Variants in METTL2A observed in about 807,000 individuals in gnomAD.
METTL2A encodes tRNA N(3)-cytidine methyltransferase METTL2A.
In METTL2A, 45 loss-of-function variants were observed where a neutral mutation model predicts 49.4. The ratio of observed to expected loss-of-function variants is 0.91; its 90% CI spans 0.72 to 1.17. The LOEUF (loss-of-function observed/expected upper bound fraction) is 1.17, where lower values mean the gene tolerates loss of function less well. Ranked by LOEUF, METTL2A falls within the 50% of genes most tolerant of loss-of-function variation. The probability of loss-of-function intolerance (pLI) is 0.00; values close to 1 mark genes in which losing one functional copy is unlikely to be tolerated. For missense variants in METTL2A, 361 were observed against 462.2 expected (o/e 0.78, Z 2.01); for synonymous variants, 118 against 167.5 (o/e 0.70, Z 2.28).
At chr17:62,432,702 T>C (rs1329192691) in intron 4 of METTL2A, among the ~76,000 whole-genome samples, 1 of 152,020 alleles carries the variant, frequency 6.6e-6, no homozygotes, top group Non-Finnish European at 1.5e-5. Flanking sequence ...CTTGGGAGGC[T>C]GAGGCAGGAG....
chr17:62,424,331 A>G (rs755989343), intron 2 of METTL2A, 21 bp downstream of exon 2: 101 of 1,613,696 alleles, frequency 6.3e-5, no homozygotes, highest in Middle Eastern at 3.3e-4. Context: ...ATGGGCTCTC[A>G]TTGGTATCAA....
In METTL2A at chr17:62,448,897, G is replaced by A. The variant is rs2070787169; in HGVS notation, c.*168G>A. On this transcript the variant is annotated 3_prime_UTR_variant, in exon 9 of 9. Coordinates refer to ENST00000311506, the MANE Select transcript of METTL2A (RefSeq NM_181725.4). Reference sequence around the variant, plus strand: ...GTCCAACCTGGGCAAAATAGTGAGAGACCCTGTATCTGAAAGTAATAATAA... The same window carrying A: ...GTCCAACCTGGGCAAAATAGTGAGAAACCCTGTATCTGAAAGTAATAATAA... The A allele has an allele frequency of 9.0e-6, 8 of 892,306 alleles. No individual in the cohort carries two copies. Among genetic ancestry groups the A allele is most frequent in the Admixed American group, 6.0e-5 (2 of 33,252 alleles). The allele number at this position is 892,306 out of a possible 1,614,324, so 55.3% of individuals were successfully genotyped here.
At chr17:62,435,947 C>T (rs2070696946) in intron 5 of METTL2A, among the ~76,000 whole-genome samples, 1 of 152,034 alleles carries the variant, frequency 6.6e-6, no homozygotes, top group Non-Finnish European at 1.5e-5. Context: ...TAATGAAATA[C>T]GATTGCATGC....
At chr17:62,440,481 A>C in intron 5 of METTL2A, 136 bp from the exon 6 acceptor site, 1 of 1,303,884 alleles carries the variant, frequency 7.7e-7, no homozygotes, top group Non-Finnish European at 1.0e-6. Flanking sequence ...TTTTGCCTCA[A>C]GAAAAAAAAG....
intron 5 of METTL2A, among the ~76,000 whole-genome samples, chr17:62,436,611 A>G (rs1190302513): frequency 6.6e-6 from 1 of 152,214 alleles, no homozygotes; most frequent in Non-Finnish European, 1.5e-5. Flanking sequence ...ATAATCATCT[A>G]AACCTTCAGC....
intron 8 of METTL2A, among the ~76,000 whole-genome samples, 187 bp from the exon 9 acceptor site, chr17:62,448,388 A>T (rs1175319873): frequency 6.6e-6 from 1 of 152,138 alleles, no homozygotes; most frequent in Non-Finnish European, 1.5e-5. Flanking sequence ...CGCGGCCCAT[A>T]CGCAGTGGCT....
chr17:62,447,910 T>G, intron 8 of METTL2A, 144 bp downstream of exon 8: 1 of 1,528,980 alleles, frequency 6.5e-7, no homozygotes, highest in African/African-American at 1.4e-5. Context: ...TCACACCCTC[T>G]TCCACCCTGG....
Position 62,440,680 on chromosome 17 carries a change from A to G in METTL2A, c.733A>G (p.Lys245Glu), listed in dbSNP as rs370342660. Residue 245 changes from lysine (K) to glutamate (E), a missense_variant, in exon 6 of 9, where the codon AAG becomes GAG. Coordinates refer to ENST00000311506, the MANE Select transcript of METTL2A (RefSeq NM_181725.4). ...TGTTCACGACCTGTGTGATGAAGAG[A>G]AGAGTTACCCAGTGCCCAAGGGCAG... ...AFVHDLCDEE[K>E]SYPVPKGSLD... 1.9e-6 allele frequency: 3 copies of G among 1,614,090 alleles called. No individual in the cohort carries two copies. The highest frequency in any genetic ancestry group is 2.5e-6 in the Non-Finnish European group (3 of 1,180,006).
chr17:62,429,038 G>A (rs9906419), intron 4 of METTL2A, among the ~76,000 whole-genome samples: 2,132 of 152,078 alleles, frequency 0.014, 38 homozygotes, highest in African/African-American at 0.047. Context: ...CTCTTGCCTC[G>A]GCCTCCCAAA....
intron 7 of METTL2A, among the ~76,000 whole-genome samples, chr17:62,447,384 C>T (rs1331145985): frequency 6.6e-6 from 1 of 152,178 alleles, no homozygotes; most frequent in Non-Finnish European, 1.5e-5. Context: ...CACGCCATTG[C>T]ACCCAGCCTA....
chr17:62,449,492 G>A lies in METTL2A; in HGVS notation c.*763G>A. 1 of 421,432 alleles carries A rather than the reference G, an allele frequency of 2.4e-6. No homozygotes were observed. Among genetic ancestry groups the A allele is most frequent in the South Asian group, 1.7e-5 (1 of 58,824 alleles). 26.1% of individuals were successfully genotyped at this position (421,432 alleles called of 1,614,324 possible). A position where few individuals can be genotyped will look rare whatever the true frequency, so the allele number is the denominator to read the frequency against. ...TTGGGAGGCCAAGGCGGGCGGATCA[G>A]CTGAGGTCAGGAGTTGGAGACCAGC... On this transcript the variant is annotated 3_prime_UTR_variant, in exon 9 of 9. Transcript: ENST00000311506.
rs1304061502 is a variant in METTL2A at position 62,450,974 on chromosome 17, A to G, written c.*2245A>G. On this transcript the variant is annotated 3_prime_UTR_variant, in exon 9 of 9. Transcript: ENST00000311506. ...ATCACAAGTAGGAATACATGGAAAC[A>G]TTAATGCCAGCCACTAACCATTCAT... Among the ~76,000 whole-genome samples the G allele has an allele frequency of 6.6e-6, 1 of 152,162 alleles. No homozygotes were observed. Among genetic ancestry groups the G allele is most frequent in the African/African-American group, 2.4e-5 (1 of 41,444 alleles).
At position 62,427,637 on chromosome 17, in the gene METTL2A, A is replaced by T. The variant is rs1003832281; in HGVS notation, c.559-151A>T. Reference sequence around the variant, plus strand: ...TCCTGAAGTCAACATCAAAATCAACAAATGTCATGAGTACTGTTTAGCTCT... The same window carrying T: ...TCCTGAAGTCAACATCAAAATCAACTAATGTCATGAGTACTGTTTAGCTCT... On this transcript the variant is annotated intron_variant, in intron 3 of 8. Transcript: ENST00000311506. The T allele has an allele frequency of 9.9e-6, 13 of 1,314,482 alleles. No homozygotes were observed. In the African/African-American group the frequency reaches 1.8e-4, roughly 18 times the overall value. The allele number at this position is 1,314,482 out of a possible 1,614,324, so 81.4% of individuals were successfully genotyped here.
intron 2 of METTL2A, among the ~76,000 whole-genome samples, chr17:62,425,357 C>G (rs1357252787): frequency 2.8e-5 from 4 of 142,630 alleles, no homozygotes; most frequent in Admixed American, 1.5e-4. Context: ...TCATGATCAC[C>G]TTAAAAACAG....
At chr17:62,441,804 GAT>G in intron 6 of METTL2A, among the ~76,000 whole-genome samples, 1 of 150,454 alleles carries the variant, frequency 6.6e-6, no homozygotes, top group African/African-American at 2.5e-5. Flanking sequence ...GCAGTGATGA[GAT>G]CTTGGCTCAC....
chr17:62,431,332 T>G (rs1357744131), intron 4 of METTL2A, among the ~76,000 whole-genome samples: 1 of 151,846 alleles, frequency 6.6e-6, no homozygotes, highest in African/African-American at 2.4e-5. Flanking sequence ...TTTTTATGTT[T>G]CTTGAGTTAC....
intron 7 of METTL2A, among the ~76,000 whole-genome samples, chr17:62,447,387 C>A (rs970259724): frequency 4.6e-5 from 7 of 151,910 alleles, no homozygotes; most frequent in Admixed American, 4.6e-4. Flanking sequence ...GCCATTGCAC[C>A]CAGCCTAGGC....
intron 4 of METTL2A, 60 bp downstream of exon 4, chr17:62,427,897 G>A (rs1003860456): frequency 1.9e-5 from 29 of 1,500,508 alleles, no homozygotes; most frequent in African/African-American, 9.7e-5. Context: ...TTGGCTGGGC[G>A]CATTGCTTCA....
intron 5 of METTL2A, among the ~76,000 whole-genome samples, chr17:62,437,417 A>G (rs1249755850): frequency 1.3e-5 from 2 of 152,004 alleles, no homozygotes; most frequent in African/African-American, 4.8e-5. Context: ...CTCTTTGCAT[A>G]CCAGTTTTCT....
Sources: allele counts gnomAD v4.1 joint callset (sites outside exome capture counted in the v4.1 genomes callset), GRCh38; gene constraint gnomAD v4.1.1; transcripts MANE v1.5; gene names NCBI Gene and HGNC (gene_info 2026-07-23, HGNC 2026-07-21).